Variants in RIMS2 observed in about 807,000 individuals in gnomAD.
RIMS2 encodes regulating synaptic membrane exocytosis protein 2.
In RIMS2, 59 loss-of-function variants were observed where a neutral mutation model predicts 174.4. The ratio of observed to expected loss-of-function variants is 0.34; its 90% CI spans 0.27 to 0.42. The LOEUF (loss-of-function observed/expected upper bound fraction) is 0.42, where lower values mean the gene tolerates loss of function less well. RIMS2 is among the 10% of genes least tolerant of loss of function. The probability of loss-of-function intolerance (pLI) is 1.00; values close to 1 mark genes in which losing one functional copy is unlikely to be tolerated. For missense variants in RIMS2, 1,620 were observed against 1,666.3 expected (o/e 0.97, Z 0.48); for synonymous variants, 606 against 572.5 (o/e 1.06, Z -0.84).
At chr8:104,027,536 TTTG>T (rs2096281499) in intron 19 of RIMS2, among the ~76,000 whole-genome samples, 1 of 152,172 alleles carries the variant, frequency 6.6e-6, no homozygotes, top group African/African-American at 2.4e-5. Flanking sequence ...TCATCTTCTC[TTTG>T]TTGTTGAAAG....
At chr8:103,975,595 C>T (rs72683112) in intron 16 of RIMS2, 89 bp downstream of exon 18, 121,292 of 830,528 alleles carry the variant, frequency 0.15, 10,576 homozygotes, top group Non-Finnish European at 0.18. Flanking sequence ...TATGTATATA[C>T]GAAAGGGAGT....
At chr8:103,782,268 T>C (rs1184441936) in intron 3 of RIMS2, among the ~76,000 whole-genome samples, 1 of 152,150 alleles carries the variant, frequency 6.6e-6, no homozygotes, top group Admixed American at 6.6e-5. Context: ...CTTTCTTTTT[T>C]AATTTAGCAG....
At chr8:103,725,416 T>C (rs892161513) in intron 2 of RIMS2, among the ~76,000 whole-genome samples, 2 of 152,178 alleles carry the variant, frequency 1.3e-5, no homozygotes, top group Non-Finnish European at 2.9e-5. Context: ...CAAAAGGCAA[T>C]CACCCTTCTG....
exon 7 of RIMS2, chr8:103,915,551 A>G (rs369114535): frequency 1.2e-5 from 20 of 1,603,356 alleles, no homozygotes; most frequent in Admixed American, 1.2e-4. Flanking sequence ...TTACTAAAGT[A>G]AAAAAAGGAA....
chr8:103,973,563 C>T lies in RIMS2; in HGVS notation c.2771-1787C>T, dbSNP rs1455332005. Reference sequence around the variant, plus strand: ...AGATATCTAGATGAAAGGAGTATATCTAGATGGAAAGAAGGATAAGTCTGC... The same window carrying T: ...AGATATCTAGATGAAAGGAGTATATTTAGATGGAAAGAAGGATAAGTCTGC... On this transcript the variant is annotated intron_variant, in intron 15 of 23. Coordinates refer to ENST00000504942, the Ensembl canonical transcript of RIMS2. Among the ~76,000 whole-genome samples the T allele has an allele frequency of 2.6e-5, 4 of 152,048 alleles. No homozygotes were observed. In the East Asian group the frequency reaches 5.8e-4, roughly 22 times the overall value.
At chr8:104,071,911 G>A (rs1325400646) in intron 19 of RIMS2, among the ~76,000 whole-genome samples, 1 of 152,144 alleles carries the variant, frequency 6.6e-6, no homozygotes, top group South Asian at 2.1e-4. Flanking sequence ...AGAAAATGGA[G>A]ACATTTTGAG....
chr8:103,923,421 G>T (rs2078114778), intron 10 of RIMS2, among the ~76,000 whole-genome samples: 1 of 151,842 alleles, frequency 6.6e-6, no homozygotes, highest in African/African-American at 2.4e-5. Context: ...ATTGGACTAG[G>T]AGGGGAGGAT....
intron 19 of RIMS2, among the ~76,000 whole-genome samples, chr8:104,117,860 G>C (rs1369521957): frequency 6.6e-6 from 1 of 152,078 alleles, no homozygotes; most frequent in Non-Finnish European, 1.5e-5. Flanking sequence ...TTGTCCTTGG[G>C]CTGCCTAATA....
At chr8:103,873,238 A>G (rs542743181) in intron 3 of RIMS2, among the ~76,000 whole-genome samples, 1 of 152,076 alleles carries the variant, frequency 6.6e-6, no homozygotes, top group African/African-American at 2.4e-5. Context: ...ATAAGTAGCA[A>G]TTTCTTTGTT....
rs1379035046 is a variant in RIMS2, at chr8:103,563,181, G to A, written c.176+62119G>A. Among the ~76,000 whole-genome samples, 3 of 152,206 alleles carry A rather than the reference G, an allele frequency of 2.0e-5. No homozygotes were observed. In the South Asian group the frequency reaches 6.2e-4, roughly 32 times the overall value. On this transcript the variant is annotated intron_variant, in intron 1 of 23. Coordinates refer to ENST00000504942, the Ensembl canonical transcript of RIMS2. Reference sequence around the variant, plus strand: ...CCTGTTACTTTTGCAAATTTCTGCAGCTGGCTTGAATTTCTCCCCAGAAAA... The same window carrying A: ...CCTGTTACTTTTGCAAATTTCTGCAACTGGCTTGAATTTCTCCCCAGAAAA...
intron 1 of RIMS2, among the ~76,000 whole-genome samples, chr8:103,521,508 G>C (rs1210544175): frequency 6.6e-6 from 1 of 151,820 alleles, no homozygotes; most frequent in African/African-American, 2.4e-5. Context: ...TCCATGAATA[G>C]ATTTTCTCAG....
intron 1 of RIMS2, among the ~76,000 whole-genome samples, chr8:103,613,010 C>G (rs2095420860): frequency 6.6e-6 from 1 of 152,148 alleles, no homozygotes; most frequent in Non-Finnish European, 1.5e-5. Flanking sequence ...AGACCTGAAG[C>G]CAACAGAGCA....
chr8:104,014,746 G>A (rs374083684), intron 19 of RIMS2, 131 bp downstream of exon 21: 2 of 454,758 alleles, frequency 4.4e-6, no homozygotes, highest in East Asian at 3.2e-5. Context: ...TTTGATAATA[G>A]TTATATTTAT....
chr8:104,177,742 A>T (rs544114434), intron 19 of RIMS2, among the ~76,000 whole-genome samples: 2 of 152,184 alleles, frequency 1.3e-5, no homozygotes, highest in Non-Finnish European at 2.9e-5. Context: ...TCTATTGGCT[A>T]TATATTGTCC....
At chr8:103,806,720 G>C (rs1348240976) in intron 3 of RIMS2, among the ~76,000 whole-genome samples, 1 of 151,938 alleles carries the variant, frequency 6.6e-6, no homozygotes, top group African/African-American at 2.4e-5. Context: ...CCATTAGAGA[G>C]ATGTTGGTAG....
intron 1 of RIMS2, among the ~76,000 whole-genome samples, chr8:103,524,599 A>G (rs932442529): frequency 2.0e-5 from 3 of 152,176 alleles, no homozygotes; most frequent in African/African-American, 7.2e-5. Flanking sequence ...ACAGCTAATG[A>G]GTACTATGAT....
At chr8:104,094,422 A>G in intron 19 of RIMS2, 1 of 527,122 alleles carries the variant, frequency 1.9e-6, no homozygotes, top group Middle Eastern at 2.6e-4. Flanking sequence ...TTTTTTCTTG[A>G]CTTTCTTTTT....
At chr8:103,862,167 G>A (rs2154500883) in intron 3 of RIMS2, among the ~76,000 whole-genome samples, 1 of 152,064 alleles carries the variant, frequency 6.6e-6, no homozygotes, top group African/African-American at 2.4e-5. Flanking sequence ...GTGAGAGAGA[G>A]GGATTCAGTT....
Position 103,613,455 on chromosome 8 carries a change from G to T in RIMS2, c.177-83631G>T, listed in dbSNP as rs750916901. Among the ~76,000 whole-genome samples, 85 of 152,248 alleles carry T rather than the reference G, an allele frequency of 5.6e-4. 1 individual carries two copies. Among genetic ancestry groups the T allele is most frequent in the Middle Eastern group, 3.4e-3 (1 of 294 alleles). ...TGAGACTCACCCTTCAGGGCAGTGGGCTCCCCTCTGGCCTAGGGCAGGTCC... is the reference window on the plus strand; with the variant it reads ...TGAGACTCACCCTTCAGGGCAGTGGTCTCCCCTCTGGCCTAGGGCAGGTCC... On this transcript the variant is annotated intron_variant, in intron 1 of 23. Transcript: ENST00000504942.
Sources: gnomAD v4.1 joint callset for allele counts (sites outside exome capture counted in the v4.1 genomes callset) on GRCh38, gnomAD v4.1.1 for gene constraint, MANE v1.5 for transcripts, NCBI Gene and HGNC (gene_info 2026-07-23, HGNC 2026-07-21) for gene names.